Variants in NHSL1 observed in about 807,000 individuals in gnomAD.
NHSL1 encodes NHS like 1.
In NHSL1, 48 loss-of-function variants were observed where a neutral mutation model predicts 95.0. That is an observed-to-expected ratio of 0.51 (90% CI 0.40 to 0.64). The LOEUF is 0.64. NHSL1 is among the 30% of genes least tolerant of loss of function. The probability of loss-of-function intolerance (pLI) is 0.00; values close to 1 mark genes in which losing one functional copy is unlikely to be tolerated. For missense variants in NHSL1, 1,971 were observed against 2,077.7 expected (o/e 0.95, Z 1.00); for synonymous variants, 783 against 833.9 (o/e 0.94, Z 1.05).
chr6:138,573,055 G>A (rs1783898756), upstream of NHSL1, among the ~76,000 whole-genome samples: 1 of 152,216 alleles, frequency 6.6e-6, no homozygotes. Context: ...AGCAGCCAGA[G>A]TGTGGGGCTG....
At chr6:138,641,391 A>G (rs892658946) in intron 1 of NHSL1, among the ~76,000 whole-genome samples, 3 of 152,230 alleles carry the variant, frequency 2.0e-5, no homozygotes, top group Non-Finnish European at 4.4e-5. Context: ...ATGTAAGAGG[A>G]AAGAATGGCA....
chr6:138,669,677 G>A (rs1785339421), intron 1 of NHSL1, among the ~76,000 whole-genome samples: 1 of 152,162 alleles, frequency 6.6e-6, no homozygotes, highest in Non-Finnish European at 1.5e-5. Context: ...AAACATAGAG[G>A]AAGTAAGTAA....
chr6:138,561,954 T>G (rs1259944151), intron 1 of NHSL1, among the ~76,000 whole-genome samples: 1 of 152,232 alleles, frequency 6.6e-6, no homozygotes. Context: ...ATGTCTATGA[T>G]ATCTACTAGT....
intron 1 of NHSL1, among the ~76,000 whole-genome samples, chr6:138,551,633 C>T (rs1783006838): frequency 6.6e-6 from 1 of 152,104 alleles, no homozygotes; most frequent in African/African-American, 2.4e-5. Context: ...CTGGGTTTTT[C>T]TATATATTTA....
intron 3 of NHSL1, among the ~76,000 whole-genome samples, chr6:138,456,924 C>A (rs1289339618): frequency 2.6e-5 from 4 of 151,604 alleles, no homozygotes; most frequent in African/African-American, 9.7e-5. Context: ...TACTCTGCCG[C>A]CCAGGCTGGA....
chr6:138,683,867 C>T (rs1362019495), intron 1 of NHSL1, among the ~76,000 whole-genome samples: 1 of 152,172 alleles, frequency 6.6e-6, no homozygotes, highest in Admixed American at 6.5e-5. Flanking sequence ...AGGTGTTTGG[C>T]GTATGGCCAA....
At chr6:138,571,898 C>T (rs546781699) in exon 1 of NHSL1, 2 of 1,551,270 alleles carry the variant, frequency 1.3e-6, no homozygotes, top group Admixed American at 2.0e-5. Context: ...ACCTGAAGAG[C>T]CTTCCTTTTT....
intron 1 of NHSL1, among the ~76,000 whole-genome samples, chr6:138,637,097 C>T (rs1784898164): frequency 6.6e-6 from 1 of 152,128 alleles, no homozygotes; most frequent in African/African-American, 2.4e-5. Context: ...CAAATCCACA[C>T]ATCTACCGTT....
intron 3 of NHSL1, among the ~76,000 whole-genome samples, chr6:138,450,312 C>T (rs1472952037): frequency 6.6e-6 from 1 of 152,180 alleles, no homozygotes; most frequent in African/African-American, 2.4e-5. Context: ...ACTCCAATTT[C>T]CTGATACATA....
intron 1 of NHSL1, among the ~76,000 whole-genome samples, chr6:138,564,726 A>G (rs764101674): frequency 6.6e-6 from 1 of 152,210 alleles, no homozygotes; most frequent in African/African-American, 2.4e-5. Context: ...ACAAGTAAAC[A>G]AGTAAGCATA....
At chr6:138,515,376 C>T (rs1781416247) in intron 1 of NHSL1, among the ~76,000 whole-genome samples, 1 of 152,194 alleles carries the variant, frequency 6.6e-6, no homozygotes. Context: ...AAGGACTCAA[C>T]ACACCAAACA....
upstream of NHSL1, among the ~76,000 whole-genome samples, chr6:138,501,495 G>C (rs1407904435): frequency 6.6e-6 from 1 of 152,148 alleles, no homozygotes; most frequent in Non-Finnish European, 1.5e-5. Context: ...GAAAAGTCGA[G>C]ATTTGAGCAA....
chr6:138,518,629 G>A (rs1472206401), intron 1 of NHSL1, among the ~76,000 whole-genome samples: 1 of 152,132 alleles, frequency 6.6e-6, no homozygotes, highest in Non-Finnish European at 1.5e-5. Flanking sequence ...AAATGTTTAT[G>A]TTTGGCTTTA....
intron 1 of NHSL1, among the ~76,000 whole-genome samples, chr6:138,509,610 T>A (rs1182776052): frequency 6.6e-6 from 1 of 152,194 alleles, no homozygotes; most frequent in Non-Finnish European, 1.5e-5. Flanking sequence ...CACTGGTGCA[T>A]GAAAATGATT....
chr6:138,463,790 T>C (rs1316277163), intron 3 of NHSL1, among the ~76,000 whole-genome samples: 1 of 152,132 alleles, frequency 6.6e-6, no homozygotes, highest in East Asian at 1.9e-4. Flanking sequence ...CGTTCTTATA[T>C]GTCACTCGGT....
At chr6:138,462,125 A>T (rs549527003) in intron 3 of NHSL1, among the ~76,000 whole-genome samples, 8 of 152,348 alleles carry the variant, frequency 5.3e-5, no homozygotes, top group Non-Finnish European at 1.2e-4. Flanking sequence ...TACCAAGGGA[A>T]GAGTCTGAGT....
At chr6:138,653,767 T>A (rs138353412) in intron 1 of NHSL1, among the ~76,000 whole-genome samples, 1 of 152,330 alleles carries the variant, frequency 6.6e-6, no homozygotes, top group East Asian at 1.9e-4. Flanking sequence ...AGTATACATA[T>A]GATATATGCA....
chr6:138,446,528 C>T (rs1373465361), intron 4 of NHSL1, among the ~76,000 whole-genome samples: 2 of 152,050 alleles, frequency 1.3e-5, no homozygotes, highest in African/African-American at 4.8e-5. Context: ...ATTTTATATT[C>T]AGAAGAAATA....
At chr6:138,482,910 T>G (rs762864837) in intron 2 of NHSL1, among the ~76,000 whole-genome samples, 1 of 152,148 alleles carries the variant, frequency 6.6e-6, no homozygotes, top group Non-Finnish European at 1.5e-5. Flanking sequence ...CATCCCAAAT[T>G]AAGGTACATC....
Sources: gnomAD v4.1 joint callset for allele counts (sites outside exome capture counted in the v4.1 genomes callset) on GRCh38, gnomAD v4.1.1 for gene constraint, MANE v1.5 for transcripts, NCBI Gene and HGNC (gene_info 2026-07-23, HGNC 2026-07-21) for gene names.